The following GTPBP10 variants were observed in gnomAD, a reference collection of about 807,000 sequenced individuals.
The protein encoded by GTPBP10 is GTP-binding protein 10.
In GTPBP10, 38 loss-of-function variants were observed where a neutral mutation model predicts 44.8. That is an observed-to-expected ratio of 0.85 (90% CI 0.65 to 1.11). GTPBP10 has a LOEUF of 1.11. Among genes scored for constraint, GTPBP10 ranks in the 50% most tolerant of loss-of-function variants. The pLI is 0.00. For missense variants in GTPBP10, 462 were observed against 453.7 expected (o/e 1.02, Z -0.17); for synonymous variants, 152 against 150.6 (o/e 1.01, Z -0.07).
rs1353001800 is a variant in GTPBP10, at chr7:90,388,555, T to C, written c.*3401T>C. ...CTATTATGTTGTGCTTTTTGTGATATATATTCATATTATTATTTGTCATAA... is the reference window on the plus strand; with the variant it reads ...CTATTATGTTGTGCTTTTTGTGATACATATTCATATTATTATTTGTCATAA... On this transcript the variant is annotated 3_prime_UTR_variant, in exon 10 of 10. Transcript: ENST00000222511. 2.0e-5 allele frequency: 3 copies of C among 152,234 alleles called. No individual in the cohort carries two copies. The highest frequency in any genetic ancestry group is 2.1e-4 in the South Asian group (1 of 4,838). 9.4% of individuals were successfully genotyped at this position (152,234 alleles called of 1,614,324 possible).
rs765619753 is a variant in GTPBP10 at position 90,385,168 on chromosome 7, G to T, written c.*14G>T. 3 of 1,544,364 alleles carry T rather than the reference G, an allele frequency of 1.9e-6. No individual in the cohort carries two copies. In the South Asian group the frequency reaches 3.5e-5, roughly 18 times the overall value. On this transcript the variant is annotated 3_prime_UTR_variant, in exon 10 of 10. Coordinates refer to ENST00000222511, the MANE Select transcript of GTPBP10 (RefSeq NM_033107.4). ...GATATAATTTAAATATATTAAAAAT[G>T]GTATTGATGGAACAGTATTTAATGC...
Position 90,389,693 on chromosome 7 carries a change from A to G in GTPBP10, c.*4539A>G, listed in dbSNP as rs1316921188. 1.3e-5 allele frequency: 2 copies of G among 152,168 alleles called. No homozygotes were observed. Among genetic ancestry groups the G allele is most frequent in the South Asian group, 2.1e-4 (1 of 4,824 alleles). 9.4% of individuals were successfully genotyped at this position (152,168 alleles called of 1,614,324 possible). ...GAATTAATGAGATAAACAGTGGACA[A>G]AAAGTGTTGGCAGATAACATGCATA... On this transcript the variant is annotated 3_prime_UTR_variant, in exon 10 of 10. Coordinates refer to ENST00000222511, the MANE Select transcript of GTPBP10 (RefSeq NM_033107.4).
chr7:90,359,232 G>T (rs1449305065), intron 4 of GTPBP10, among the ~76,000 whole-genome samples: 2 of 151,804 alleles, frequency 1.3e-5, no homozygotes, highest in Non-Finnish European at 2.9e-5. Flanking sequence ...CGCCATGTCG[G>T]TTTGCTGCAC....
intron 1 of GTPBP10, among the ~76,000 whole-genome samples, chr7:90,352,377 T>C (rs1340117479): frequency 6.6e-6 from 1 of 152,260 alleles, no homozygotes; most frequent in Admixed American, 6.5e-5. Context: ...AAGTTTCATA[T>C]TGGGGAATTT....
At chr7:90,365,641 G>T (rs1796119961) in intron 4 of GTPBP10, among the ~76,000 whole-genome samples, 1 of 152,114 alleles carries the variant, frequency 6.6e-6, no homozygotes, top group South Asian at 2.1e-4. Flanking sequence ...CTCCCAAAGT[G>T]CTGGGATTAC....
intron 4 of GTPBP10, among the ~76,000 whole-genome samples, chr7:90,362,097 A>ATT (rs59137566): frequency 3.6e-4 from 55 of 151,714 alleles, no homozygotes; most frequent in Admixed American, 9.8e-4. Flanking sequence ...GGATTCATTG[A>ATT]TTTTTTTTGA....
At chr7:90,362,118 G>A (rs768713078) in intron 4 of GTPBP10, among the ~76,000 whole-genome samples, 52 of 151,002 alleles carry the variant, frequency 3.4e-4, no homozygotes, top group Non-Finnish European at 4.9e-4. Context: ...AGGGTTTTTT[G>A]TGTCTCTATT....
At chr7:90,375,445 A>G (rs925437088) in intron 6 of GTPBP10, among the ~76,000 whole-genome samples, 3 of 151,494 alleles carry the variant, frequency 2.0e-5, no homozygotes, top group African/African-American at 4.9e-5. Flanking sequence ...CGATGCATCA[A>G]TATGGGTTCA....
intron 4 of GTPBP10, among the ~76,000 whole-genome samples, chr7:90,358,360 T>G (rs1420418444): frequency 1.3e-5 from 2 of 152,150 alleles, no homozygotes; most frequent in African/African-American, 4.8e-5. Context: ...ATTACCTGAC[T>G]TCAAATTATA....
At position 90,369,572 on chromosome 7, in the gene GTPBP10, A is replaced by G. The variant is rs542304495; in HGVS notation, c.465-2583A>G. ...CTGCAGCTCATGGCAGGTCAATCTC[A>G]GACTGCTGCGCTAGCAGTGAGCAAG... is the stretch of plus-strand genomic sequence containing the variant. On this transcript the variant is annotated intron_variant, in intron 4 of 9. Coordinates refer to ENST00000222511, the MANE Select transcript of GTPBP10 (RefSeq NM_033107.4). 6.6e-5 allele frequency among the ~76,000 whole-genome samples: 10 copies of G among 152,264 alleles called. No homozygotes were observed. The South Asian group carries it at 1.2e-3, about 19-fold the overall frequency.
intron 4 of GTPBP10, chr7:90,371,345 A>AT (rs1221124382): frequency 5.8e-6 from 1 of 172,950 alleles, no homozygotes; most frequent in Non-Finnish European, 1.1e-5. Flanking sequence ...ACCTTATATG[A>AT]TTCAGTTTAA....
intron 6 of GTPBP10, among the ~76,000 whole-genome samples, chr7:90,376,724 C>T (rs112823754): frequency 0.015 from 2,356 of 152,172 alleles, 59 homozygotes; most frequent in African/African-American, 0.052. Flanking sequence ...TAAGAATGGT[C>T]GATAATCCTG....
intron 4 of GTPBP10, among the ~76,000 whole-genome samples, chr7:90,369,703 A>G (rs1221610347): frequency 2.0e-5 from 3 of 151,796 alleles, no homozygotes; most frequent in African/African-American, 7.3e-5. Flanking sequence ...GGAGTGTACC[A>G]CTCCTCCAGG....
Position 90,355,244 on chromosome 7 carries a change from A to G in GTPBP10, c.464+14A>G, listed in dbSNP as rs747108950. ...AGGCCTAGTAGGGTAAGTATCGTTCATATTTTTATTATTATACTTTCAGAG... is the reference window on the plus strand; with the variant it reads ...AGGCCTAGTAGGGTAAGTATCGTTCGTATTTTTATTATTATACTTTCAGAG... On this transcript the variant is annotated intron_variant, in intron 4 of 9. Transcript: ENST00000222511. 1 of 1,458,696 alleles carries G rather than the reference A, an allele frequency of 6.9e-7. No homozygotes were observed. 90.4% of individuals were successfully genotyped at this position (1,458,696 alleles called of 1,614,324 possible).
At chr7:90,373,900 G>A (rs17869573) in intron 5 of GTPBP10, among the ~76,000 whole-genome samples, 48 of 152,262 alleles carry the variant, frequency 3.2e-4, no homozygotes, top group African/African-American at 1.1e-3. Flanking sequence ...GAGTACAGTG[G>A]CATGATCATA....
At chr7:90,367,924 G>T (rs1334325748) in intron 4 of GTPBP10, among the ~76,000 whole-genome samples, 4 of 152,202 alleles carry the variant, frequency 2.6e-5, no homozygotes, top group African/African-American at 9.7e-5. Context: ...GGTGCTAGTT[G>T]TTCCTTTCCA....
rs1796506157 is a variant in GTPBP10, at chr7:90,385,348, G to A, written c.*194G>A. 4.4e-6 allele frequency: 2 copies of A among 455,212 alleles called. No homozygotes were observed. The highest frequency in any genetic ancestry group is 7.1e-5 in the East Asian group (2 of 27,990). 28.2% of individuals were successfully genotyped at this position (455,212 alleles called of 1,614,324 possible). A position where few individuals can be genotyped will look rare whatever the true frequency, so the allele number is the denominator to read the frequency against. Reference sequence around the variant, plus strand: ...AATAGAATGGTGGTTATCAAGGGCTGGTGGGGCAGTGGAGGATTGAGGAGA... The same window carrying A: ...AATAGAATGGTGGTTATCAAGGGCTAGTGGGGCAGTGGAGGATTGAGGAGA... On this transcript the variant is annotated 3_prime_UTR_variant, in exon 10 of 10. Coordinates refer to ENST00000222511, the MANE Select transcript of GTPBP10 (RefSeq NM_033107.4).
Position 90,352,996 on chromosome 7 carries a change from G to A in GTPBP10, c.214G>A (p.Gly72Arg), listed in dbSNP as rs770148482. The A allele has an allele frequency of 1.3e-6, 2 of 1,585,394 alleles. No individual in the cohort carries two copies. The highest frequency in any genetic ancestry group is 2.3e-5 in the East Asian group (1 of 44,284). Reference protein sequence around the residue: ...YPRKRFVAGVGANSKISALKG... With the variant: ...YPRKRFVAGVRANSKISALKG... ...TCGGAAACGGTTTGTGGCTGGAGTA[G>A]GAGCAAACAGCAAGTAAGTAATTAC... Residue 72 changes from glycine (G) to arginine (R), a missense_variant, in exon 2 of 10, where the codon GGA (glycine) becomes AGA (arginine). Transcript: ENST00000222511.
At chr7:90,373,777 G>A (rs895829449) in intron 5 of GTPBP10, among the ~76,000 whole-genome samples, 2 of 152,118 alleles carry the variant, frequency 1.3e-5, no homozygotes, top group African/African-American at 4.8e-5. Context: ...GAACGTTGAG[G>A]TTCAGTAATT....
Sources: gnomAD v4.1 joint callset for allele counts (sites outside exome capture counted in the v4.1 genomes callset) on GRCh38, gnomAD v4.1.1 for gene constraint, MANE v1.5 for transcripts, NCBI Gene and HGNC (gene_info 2026-07-23, HGNC 2026-07-21) for gene names.